Variants in PRKN observed in about 807,000 individuals in gnomAD.
The protein encoded by PRKN is E3 ubiquitin-protein ligase parkin.
Under a neutral mutation model 59.5 loss-of-function variants are expected in PRKN, and 56 were observed. That is an observed-to-expected ratio of 0.94 (90% CI 0.76 to 1.18). PRKN has a LOEUF of 1.18. PRKN is among the 50% of genes most tolerant of loss of function. The probability of loss-of-function intolerance (pLI) is 0.00; values close to 1 mark genes in which losing one functional copy is unlikely to be tolerated. For synonymous variants in PRKN, 250 were observed against 222.1 expected, an observed-to-expected ratio of 1.13 and a Z score of -1.12; for missense variants, 657 against 596.4, an observed-to-expected ratio of 1.10 and a Z score of -1.06.
intron 1 of PRKN, among the ~76,000 whole-genome samples, chr6:162,496,839 A>G (rs1271000392): frequency 6.6e-6 from 1 of 152,200 alleles, no homozygotes; most frequent in Non-Finnish European, 1.5e-5. Flanking sequence ...ACTTGTAACT[A>G]TAAGCCCATT....
chr6:161,469,547 AAGAGAGAGAGAG>A (rs60364166), intron 9 of PRKN, among the ~76,000 whole-genome samples: 2 of 117,910 alleles, frequency 1.7e-5, no homozygotes, highest in Non-Finnish European at 1.7e-5. Flanking sequence ...GAACAAGAGA[AAGAGAGAGAGAG>A]AGAGAGAGAG....
At position 161,377,863 on chromosome 6, in the gene PRKN, A is replaced by G. The variant is rs1304780043; in HGVS notation, c.1167+8931T>C. On this transcript the variant is annotated intron_variant, in intron 10 of 11. Transcript: ENST00000366898. The surrounding 1 kb of genome is among the most constrained non-coding windows in gnomAD (Gnocchi z 4.2). ...AAAGTGGTCCCTCATGAGACCCCAA[A>G]TCTGCTAGTGCATTCATCTTTGACT... is the stretch of plus-strand genomic sequence containing the variant. Among the ~76,000 whole-genome samples, 2 of 152,152 alleles carry G rather than the reference A, an allele frequency of 1.3e-5. No individual in the cohort carries two copies. The highest frequency in any genetic ancestry group is 4.8e-5 in the African/African-American group (2 of 41,426).
At chr6:162,070,846 C>T (rs1317046707) in intron 4 of PRKN, among the ~76,000 whole-genome samples, 5 of 152,100 alleles carry the variant, frequency 3.3e-5, no homozygotes, top group South Asian at 2.1e-4. Flanking sequence ...CTGCTTATCT[C>T]CTGCTGAGTG....
rs1471669334 is a variant in PRKN at position 161,370,083 on chromosome 6, G to A, written c.1168-9878C>T. The A allele has an allele frequency of 3.9e-5, 14 of 356,860 alleles. 1 individual carries two copies. The East Asian group carries it at 1.0e-3, about 26-fold the overall frequency. 22.1% of individuals were successfully genotyped at this position (356,860 alleles called of 1,614,324 possible). A position where few individuals can be genotyped will look rare whatever the true frequency, so the allele number is the denominator to read the frequency against. ...GAGATGGGAATATGACCCTGTGGGA[G>A]TTTGTACACATGGAAAAGACCACTG... On this transcript the variant is annotated intron_variant, in intron 10 of 11. Transcript: ENST00000366898.
At position 161,517,505 on chromosome 6, in the gene PRKN, C is replaced by G. The variant is rs978151307; in HGVS notation, c.1083+31349G>C. Among the ~76,000 whole-genome samples the G allele has an allele frequency of 3.3e-5, 5 of 152,018 alleles. No individual in the cohort carries two copies. In the South Asian group the frequency reaches 6.2e-4, roughly 19 times the overall value. On this transcript the variant is annotated intron_variant, in intron 9 of 11. Coordinates refer to ENST00000366898, the MANE Select transcript of PRKN (RefSeq NM_004562.3). Reference sequence around the variant, plus strand: ...CCTGTAATCCCAGCACTTTGGGAGGCCAAAGCAGGCAGATCACAAGGTCAG... The same window carrying G: ...CCTGTAATCCCAGCACTTTGGGAGGGCAAAGCAGGCAGATCACAAGGTCAG...
intron 4 of PRKN, among the ~76,000 whole-genome samples, chr6:162,127,048 C>A (rs969707962): frequency 2.6e-5 from 4 of 152,174 alleles, no homozygotes; most frequent in African/African-American, 4.8e-5. Context: ...TACAAGCTCC[C>A]AGTTCTTTTC....
intron 2 of PRKN, among the ~76,000 whole-genome samples, chr6:162,421,691 C>T (rs1788974968): frequency 6.6e-6 from 1 of 152,042 alleles, no homozygotes; most frequent in Non-Finnish European, 1.5e-5. Flanking sequence ...AAGAACAACG[C>T]ATTACAGGAA....
intron 1 of PRKN, among the ~76,000 whole-genome samples, chr6:162,467,887 C>T (rs1791507944): frequency 1.3e-5 from 2 of 152,200 alleles, no homozygotes; most frequent in South Asian, 4.1e-4. Flanking sequence ...GATTTTACAC[C>T]TTGGTACTTG....
At chr6:162,083,595 AT>A (rs970048501) in intron 4 of PRKN, among the ~76,000 whole-genome samples, 19 of 151,762 alleles carry the variant, frequency 1.3e-4, no homozygotes, top group Admixed American at 3.3e-4. Flanking sequence ...AAGAGAAATA[AT>A]TTTTTTTTCT....
chr6:162,227,971 G>A (rs770357603), intron 3 of PRKN, among the ~76,000 whole-genome samples: 44 of 151,804 alleles, frequency 2.9e-4, no homozygotes, highest in Non-Finnish European at 5.1e-4. Flanking sequence ...AGTGACCTGA[G>A]TGACATCAAT....
chr6:162,001,847 CTTTTT>C (rs35789599), intron 5 of PRKN, among the ~76,000 whole-genome samples: 1 of 116,628 alleles, frequency 8.6e-6, no homozygotes, highest in Non-Finnish European at 1.8e-5. Flanking sequence ...TTGCAAATAG[CTTTTT>C]TTTTTTTTTT....
chr6:162,121,524 T>A (rs1324633742), intron 4 of PRKN, among the ~76,000 whole-genome samples: 1 of 152,190 alleles, frequency 6.6e-6, no homozygotes, highest in Non-Finnish European at 1.5e-5. Flanking sequence ...CAGTTTTGAT[T>A]GGAGTCTTGG....
intron 6 of PRKN, among the ~76,000 whole-genome samples, chr6:161,886,265 A>C (rs1562365653): frequency 6.6e-6 from 1 of 152,224 alleles, no homozygotes; most frequent in Non-Finnish European, 1.5e-5. Flanking sequence ...TTTACTGATA[A>C]ATCTCAATCT....
At chr6:162,366,703 C>T (rs1424187228) in intron 2 of PRKN, among the ~76,000 whole-genome samples, 1 of 151,830 alleles carries the variant, frequency 6.6e-6, no homozygotes, top group Non-Finnish European at 1.5e-5. Context: ...GTCGGGAGTT[C>T]GAGACCAGCC....
At chr6:162,354,419 G>A (rs564177494) in intron 2 of PRKN, among the ~76,000 whole-genome samples, 2 of 151,980 alleles carry the variant, frequency 1.3e-5, no homozygotes, top group Non-Finnish European at 2.9e-5. Flanking sequence ...CAGGAACAAT[G>A]GGGAGATCAG....
chr6:162,471,449 C>A (rs887995604), intron 1 of PRKN, among the ~76,000 whole-genome samples: 2 of 152,178 alleles, frequency 1.3e-5, no homozygotes, highest in African/African-American at 4.8e-5. Flanking sequence ...CCATTTGTTA[C>A]AATAACTGCA....
chr6:162,212,173 C>T lies in PRKN; in HGVS notation c.413-10921G>A, dbSNP rs571521366. Among the ~76,000 whole-genome samples, 194 of 152,186 alleles carry T rather than the reference C, an allele frequency of 1.3e-3. 1 individual carries two copies. Among genetic ancestry groups the T allele is most frequent in the African/African-American group, 4.4e-3 (183 of 41,500 alleles). The stretch of plus-strand genomic sequence containing the variant: ...TCACTCAGGGGCCGCCTCTCTCCTA[C>T]CCTAAACACTCCTTGCTGTAAGTTC... On this transcript the variant is annotated intron_variant, in intron 3 of 11. Transcript: ENST00000366898.
intron 2 of PRKN, among the ~76,000 whole-genome samples, chr6:162,417,827 G>C (rs1788716917): frequency 3.3e-5 from 5 of 152,204 alleles, no homozygotes; most frequent in Admixed American, 3.3e-4. Context: ...ACCTAAGTGT[G>C]AACGTGATCA....
chr6:162,047,881 G>A (rs1339179123), intron 5 of PRKN, among the ~76,000 whole-genome samples: 1 of 146,234 alleles, frequency 6.8e-6, no homozygotes, highest in Non-Finnish European at 1.5e-5. Flanking sequence ...GTTCCAGTTG[G>A]CATATACTGA....
Sources: gnomAD v4.1 joint callset for allele counts (sites outside exome capture counted in the v4.1 genomes callset) on GRCh38, gnomAD v4.1.1 for gene constraint, Gnocchi (gnomAD v3.1) non-coding constraint, MANE v1.5 for transcripts, NCBI Gene and HGNC (gene_info 2026-07-23, HGNC 2026-07-21) for gene names.